The following PCLO variants were observed in gnomAD, a reference collection of about 807,000 sequenced individuals.
PCLO encodes the protein piccolo presynaptic cytomatrix protein.
A neutral mutation model predicts 427.5 loss-of-function variants in PCLO; 82 were observed. The observed-to-expected ratio is 0.19, with a 90% confidence interval of 0.16 to 0.23. The LOEUF (loss-of-function observed/expected upper bound fraction) is 0.23, where lower values mean the gene tolerates loss of function less well. Ranked by LOEUF, PCLO falls within the 10% of genes least tolerant of loss-of-function variation. The pLI is 1.00. For missense variants in PCLO, 6,239 were observed against 6,115.9 expected, an observed-to-expected ratio of 1.02 and a Z score of -0.67; for synonymous variants, 2,357 against 2,155.4, an observed-to-expected ratio of 1.09 and a Z score of -2.59.
chr7:82,889,865 T>C (rs183439596), intron 9 of PCLO, among the ~76,000 whole-genome samples: 6 of 152,204 alleles, frequency 3.9e-5, no homozygotes, highest in Admixed American at 3.9e-4. Flanking sequence ...TAAAGATATG[T>C]ATCTGAACTA....
At chr7:82,811,470 T>C (rs1045745710) in intron 20 of PCLO, among the ~76,000 whole-genome samples, 5 of 151,590 alleles carry the variant, frequency 3.3e-5, no homozygotes, top group African/African-American at 7.2e-5. Context: ...TTTTATCTCA[T>C]GTTTTAATTT....
chr7:82,873,324 C>T (rs955126859), intron 10 of PCLO, among the ~76,000 whole-genome samples: 2 of 151,736 alleles, frequency 1.3e-5, no homozygotes, highest in Admixed American at 6.6e-5. Flanking sequence ...TCATCCTCTT[C>T]CACTCTCATT....
chr7:82,906,329 A>G (rs1199753334), intron 8 of PCLO, among the ~76,000 whole-genome samples: 1 of 152,018 alleles, frequency 6.6e-6, no homozygotes, highest in Non-Finnish European at 1.5e-5. Context: ...TATGTTTTCA[A>G]ATAAAAGCAT....
At chr7:83,113,352 T>C (rs541031963) in intron 3 of PCLO, among the ~76,000 whole-genome samples, 6 of 152,312 alleles carry the variant, frequency 3.9e-5, no homozygotes, top group Non-Finnish European at 8.8e-5. Context: ...CTTTTTTCCT[T>C]GAAGCTTAGT....
At chr7:83,081,529 CTGA>C (rs1257881752) in intron 3 of PCLO, among the ~76,000 whole-genome samples, 7 of 151,822 alleles carry the variant, frequency 4.6e-5, no homozygotes, top group African/African-American at 1.7e-4. Context: ...AAATTTAGAC[CTGA>C]TGATGTCTTA....
intron 3 of PCLO, among the ~76,000 whole-genome samples, chr7:82,978,537 T>A (rs1796074420): frequency 1.3e-5 from 2 of 152,040 alleles, no homozygotes; most frequent in Admixed American, 1.3e-4. Flanking sequence ...TATATATAAT[T>A]TTTGCTCTTA....
intron 10 of PCLO, among the ~76,000 whole-genome samples, chr7:82,858,143 T>G (rs1314124994): frequency 6.6e-6 from 1 of 152,096 alleles, no homozygotes; most frequent in Non-Finnish European, 1.5e-5. Context: ...GATTTATCAT[T>G]GGGATGCAAC....
At chr7:83,129,975 T>G (rs1156353155) in intron 3 of PCLO, among the ~76,000 whole-genome samples, 2 of 152,104 alleles carry the variant, frequency 1.3e-5, no homozygotes, top group Non-Finnish European at 2.9e-5. Flanking sequence ...TACATCAAAT[T>G]TATCTTAAAA....
chr7:82,945,135 G>C (rs989592114), intron 6 of PCLO, among the ~76,000 whole-genome samples: 2 of 151,840 alleles, frequency 1.3e-5, no homozygotes, highest in South Asian at 4.2e-4. Flanking sequence ...TTTTTCTGTG[G>C]AGTAAAGTGA....
chr7:82,949,761 T>C lies in PCLO; in HGVS notation c.10827A>G (p.Thr3609=). ...TGGGTGGGGAAGGAGCCAGCTGTAC[T>C]GTGGAATCTGCCCGGAGGTGAGATG... ...GYSSHLRADS[T]VQLAPSPPKS... is the part of the protein sequence containing the mutation. The change falls in exon 6 of 25, where the codon ACA becomes ACG. Residue 3609 remains threonine, a synonymous_variant. Transcript: ENST00000333891. 5 of 1,613,856 alleles carry C rather than the reference T, an allele frequency of 3.1e-6. No homozygotes were observed. Among genetic ancestry groups the C allele is most frequent in the Non-Finnish European group, 4.2e-6 (5 of 1,179,854 alleles).
At chr7:82,793,519 GC>G (rs1366719369) in intron 22 of PCLO, among the ~76,000 whole-genome samples, 1 of 152,252 alleles carries the variant, frequency 6.6e-6, no homozygotes, top group East Asian at 1.9e-4. Context: ...GGTTTTCAGG[GC>G]CCTGGAAGTA....
intron 3 of PCLO, among the ~76,000 whole-genome samples, chr7:83,059,985 G>A (rs946446133): frequency 5.3e-5 from 8 of 152,104 alleles, no homozygotes; most frequent in African/African-American, 1.9e-4. Context: ...AATGATTTCC[G>A]TGGCTTCTAG....
intron 10 of PCLO, among the ~76,000 whole-genome samples, chr7:82,848,187 G>A (rs1410009644): frequency 6.6e-6 from 1 of 151,530 alleles, no homozygotes; most frequent in Non-Finnish European, 1.5e-5. Context: ...GCAGCTATGT[G>A]AACTGGGTAC....
intron 3 of PCLO, among the ~76,000 whole-genome samples, chr7:83,010,566 TGTAA>T (rs993396910): frequency 2.7e-4 from 40 of 150,476 alleles, no homozygotes; most frequent in South Asian, 1.0e-3. Flanking sequence ...ATTGTATATA[TGTAA>T]GTAATTATAA....
intron 10 of PCLO, among the ~76,000 whole-genome samples, chr7:82,869,356 C>T (rs1344850265): frequency 6.6e-6 from 1 of 151,948 alleles, no homozygotes; most frequent in African/African-American, 2.4e-5. Flanking sequence ...GAGCAAAAAC[C>T]TGCATTGTGA....
At chr7:82,899,359 G>A (rs1793985582) in intron 9 of PCLO, among the ~76,000 whole-genome samples, 1 of 151,334 alleles carries the variant, frequency 6.6e-6, no homozygotes, top group African/African-American at 2.4e-5. Flanking sequence ...CTCTGGCACT[G>A]GTTTAAAACT....
rs138388898 is a variant in PCLO, at chr7:82,925,981, A to G, written c.11113-9108T>C. ...AGATCCTCCCACCTTGGCTGCCCCA[A>G]TTGTTGGGATTACAGGTGTGAGCCA... On this transcript the variant is annotated intron_variant, in intron 6 of 24. Coordinates refer to ENST00000333891, the MANE Select transcript of PCLO (RefSeq NM_033026.6). Among the ~76,000 whole-genome samples, 4 of 152,056 alleles carry G rather than the reference A, an allele frequency of 2.6e-5. No individual in the cohort carries two copies. In the East Asian group the frequency reaches 5.8e-4, roughly 22 times the overall value.
At chr7:82,909,122 T>A (rs1003019135) in intron 7 of PCLO, 109 bp from the exon 8 acceptor site, 3 of 1,030,374 alleles carry the variant, frequency 2.9e-6, no homozygotes, top group African/African-American at 1.6e-5. Flanking sequence ...TAACCATACA[T>A]GCATTTCAAA....
At chr7:83,104,934 G>A (rs1362822411) in intron 3 of PCLO, among the ~76,000 whole-genome samples, 1 of 146,480 alleles carries the variant, frequency 6.8e-6, no homozygotes, top group Non-Finnish European at 1.5e-5. Context: ...AATAAAGAAT[G>A]AGCAAATAAA....
Sources: allele counts gnomAD v4.1 joint callset (sites outside exome capture counted in the v4.1 genomes callset), GRCh38; gene constraint gnomAD v4.1.1; transcripts MANE v1.5; gene names NCBI Gene and HGNC (gene_info 2026-07-23, HGNC 2026-07-21).